Variants in ABL1 observed in about 807,000 individuals in gnomAD.
ABL1 encodes tyrosine-protein kinase ABL1.
ABL1 carries 11 observed loss-of-function variants against 94.7 expected under a neutral mutation model. The ratio of observed to expected loss-of-function variants is 0.12; its 90% CI spans 0.07 to 0.19. The LOEUF (loss-of-function observed/expected upper bound fraction) is 0.19, where lower values mean the gene tolerates loss of function less well. Among genes scored for constraint, ABL1 ranks in the 10% least tolerant of loss-of-function variants. The pLI is 1.00. For missense variants in ABL1, 1,082 were observed against 1,489.4 expected, an observed-to-expected ratio of 0.73 and a Z score of 4.50; for synonymous variants, 656 against 622.4, an observed-to-expected ratio of 1.05 and a Z score of -0.80.
At chr9:130,715,499 A>G (rs1406505795) in intron 1 of ABL1, among the ~76,000 whole-genome samples, 1 of 152,222 alleles carries the variant, frequency 6.6e-6, no homozygotes, top group East Asian at 1.9e-4. Context: ...ACGGGAAAAT[A>G]TTCACTTCAT....
intron 1 of ABL1, among the ~76,000 whole-genome samples, chr9:130,761,691 AAGTAATTTGAATCTTCATTT>A (rs1426780367): frequency 1.3e-5 from 2 of 152,222 alleles, no homozygotes; most frequent in African/African-American, 4.8e-5. Context: ...TACTTCTCTG[AAGTAATTTGAATCTTCATTT>A]AGTAAGACTA....
chr9:130,735,901 G>A (rs1393822886), intron 1 of ABL1, among the ~76,000 whole-genome samples: 1 of 94,088 alleles, frequency 1.1e-5, no homozygotes, highest in African/African-American at 6.9e-5. Flanking sequence ...GTATATATAT[G>A]TGTGTGTATA....
At chr9:130,764,011 G>GGA in intron 1 of ABL1, among the ~76,000 whole-genome samples, 1 of 152,300 alleles carries the variant, frequency 6.6e-6, no homozygotes, top group East Asian at 1.9e-4. Flanking sequence ...GCTTCCCAGA[G>GGA]GAGACACTTA....
At chr9:130,805,886 G>GT (rs1160421440) in intron 1 of ABL1, among the ~76,000 whole-genome samples, 4 of 147,428 alleles carry the variant, frequency 2.7e-5, no homozygotes, top group Admixed American at 1.4e-4. Context: ...CTCCTCATGA[G>GT]GTTTTTTTAA....
intron 1 of ABL1, among the ~76,000 whole-genome samples, chr9:130,850,804 G>A (rs959234111): frequency 6.6e-6 from 1 of 152,200 alleles, no homozygotes; most frequent in Non-Finnish European, 1.5e-5. Context: ...ACCGCACCCA[G>A]CCCCACATAC....
chr9:130,873,462 A>G (rs1831288345), intron 6 of ABL1, among the ~76,000 whole-genome samples: 1 of 152,112 alleles, frequency 6.6e-6, no homozygotes, highest in Non-Finnish European at 1.5e-5. Flanking sequence ...TTTTACGCAA[A>G]CTCATGGGAA....
At position 130,792,712 on chromosome 9, in the gene ABL1, C is replaced by T. The variant is rs1829925346; in HGVS notation, c.137-61352C>T. On this transcript the variant is annotated intron_variant, in intron 1 of 10. Transcript: ENST00000372348. ...CTTGGCAAATTTGATCGTATGACAT[C>T]TCATTTGATGTCTTTGAGATGACAG... is the stretch of plus-strand genomic sequence containing the variant. Among the ~76,000 whole-genome samples, 4 of 152,150 alleles carry T rather than the reference C, an allele frequency of 2.6e-5. No individual in the cohort carries two copies. The South Asian group carries it at 8.3e-4, about 32-fold the overall frequency.
intron 6 of ABL1, among the ~76,000 whole-genome samples, chr9:130,874,240 G>A (rs1244149752): frequency 1.3e-5 from 2 of 152,120 alleles, no homozygotes; most frequent in South Asian, 2.1e-4. Flanking sequence ...TACCTCCCTG[G>A]GAGAATCAGG....
intron 1 of ABL1, among the ~76,000 whole-genome samples, chr9:130,846,558 C>T (rs1830776236): frequency 1.3e-5 from 2 of 152,202 alleles, no homozygotes; most frequent in South Asian, 2.1e-4. Context: ...AAGAACCTTC[C>T]GGAGAGCCCA....
intron 4 of ABL1, among the ~76,000 whole-genome samples, chr9:130,865,822 A>G (rs534759058): frequency 7.7e-4 from 116 of 151,010 alleles, no homozygotes; most frequent in Non-Finnish European, 1.3e-3. Flanking sequence ...ATTCAGCTTC[A>G]TCGTGCCCTT....
At chr9:130,783,796 C>T (rs1829789313) in intron 1 of ABL1, among the ~76,000 whole-genome samples, 1 of 152,112 alleles carries the variant, frequency 6.6e-6, no homozygotes, top group Non-Finnish European at 1.5e-5. Context: ...GCTGGGATGA[C>T]AGGCGGGCAT....
At chr9:130,750,644 C>CTTTTTTTTTTTTTTTTTTTTTTT (rs71389345) in intron 1 of ABL1, among the ~76,000 whole-genome samples, 2 of 87,284 alleles carry the variant, frequency 2.3e-5, no homozygotes, top group Non-Finnish European at 4.2e-5. Flanking sequence ...CTTTTTCTTT[C>CTTTTTTTTTTTTTTTTTTTTTTT]TTTTTTTTTT....
In ABL1 at chr9:130,885,748, A is replaced by G; in HGVS notation, c.*65A>G. On this transcript the variant is annotated 3_prime_UTR_variant, in exon 11 of 11. Transcript: ENST00000318560. ...CTGCAGCACATGCGGGCTCGCCCAT[A>G]CCCGTGACAGTGGCTGACAAGGGAC... is the stretch of plus-strand genomic sequence containing the variant. 2 of 1,534,804 alleles carry G rather than the reference A, an allele frequency of 1.3e-6. No individual in the cohort carries two copies. Among genetic ancestry groups the G allele is most frequent in the Middle Eastern group, 1.9e-4 (1 of 5,234 alleles).
chr9:130,717,374 A>G (rs1435192007), intron 1 of ABL1, among the ~76,000 whole-genome samples: 1 of 151,906 alleles, frequency 6.6e-6, no homozygotes, highest in African/African-American at 2.4e-5. Flanking sequence ...TCAATGCATG[A>G]TATAAAATCA....
At chr9:130,861,759 A>C (rs184637049) in intron 3 of ABL1, among the ~76,000 whole-genome samples, 1 of 152,284 alleles carries the variant, frequency 6.6e-6, no homozygotes, top group East Asian at 1.9e-4. Context: ...GGCTACCCTG[A>C]GCAAGCCAGT....
Position 130,811,293 on chromosome 9 carries a change from TAAAC to T in ABL1, c.137-42763_137-42760del, listed in dbSNP as rs560991723. Among the ~76,000 whole-genome samples the T allele has an allele frequency of 7.3e-3, 1,115 of 152,036 alleles. 6 individuals are homozygous for T. Among genetic ancestry groups the T allele is most frequent in the Middle Eastern group, 0.02 (6 of 294 alleles). On this transcript the variant is annotated intron_variant, in intron 1 of 10. Transcript: ENST00000372348. ...GACAGAGTGAGACCCTCTGTCTAAA[TAAAC>T]AAACAAATAAAAGAAAACTGGAGCT...
At chr9:130,761,445 GAAGGA>G (rs1326287035) in intron 1 of ABL1, among the ~76,000 whole-genome samples, 2 of 152,122 alleles carry the variant, frequency 1.3e-5, no homozygotes, top group Non-Finnish European at 2.9e-5. Flanking sequence ...TCTCCCTTGT[GAAGGA>G]AAGGTCCCTC....
chr9:130,758,289 T>C (rs2132742726), intron 1 of ABL1, among the ~76,000 whole-genome samples: 1 of 151,900 alleles, frequency 6.6e-6, no homozygotes, highest in African/African-American at 2.4e-5. Context: ...GCCTCCCGAG[T>C]AGCTGGGATT....
In ABL1 at chr9:130,797,236, G is replaced by GAA. The variant is rs71389356; in HGVS notation, c.137-56800_137-56799dup. Among the ~76,000 whole-genome samples, 16 of 55,210 alleles carry GAA rather than the reference G, an allele frequency of 2.9e-4. 1 individual carries two copies. Among genetic ancestry groups the GAA allele is most frequent in the East Asian group, 1.7e-3 (2 of 1,192 alleles). The allele number at this position is 55,210 out of a possible 152,430, so 36.2% of individuals were successfully genotyped here. On this transcript the variant is annotated intron_variant, in intron 1 of 10. Coordinates refer to the ABL1 transcript ENST00000372348. ...GGGCGACAGAGTGAGACTCCATCTC[G>GAA]AAAAAAAAAAAAAAAAAAAAAAAAA...
Sources: allele counts gnomAD v4.1 joint callset (sites outside exome capture counted in the v4.1 genomes callset), GRCh38; gene constraint gnomAD v4.1.1; transcripts MANE v1.5; gene names NCBI Gene and HGNC (gene_info 2026-07-23, HGNC 2026-07-21).